TMPRSS11A: variants seen among roughly 807,000 people sequenced by gnomAD.
The protein encoded by TMPRSS11A is transmembrane serine protease 11A, also known as transmembrane protease serine 11A.
TMPRSS11A carries 53 observed loss-of-function variants against 58.9 expected under a neutral mutation model. The observed-to-expected ratio is 0.90, with a 90% CI of 0.72 to 1.13. TMPRSS11A has a LOEUF of 1.13. Among genes scored for constraint, TMPRSS11A ranks in the 50% most tolerant of loss-of-function variants. The probability of loss-of-function intolerance (pLI) is 0.00; values close to 1 mark genes in which losing one functional copy is unlikely to be tolerated. For missense variants in TMPRSS11A, 493 were observed against 499.3 expected (o/e 0.99, Z 0.12); for synonymous variants, 167 against 169.8 (o/e 0.98, Z 0.13).
chr4:67,932,762 A>G (rs566265662), intron 3 of TMPRSS11A, among the ~76,000 whole-genome samples: 21 of 152,182 alleles, frequency 1.4e-4, no homozygotes, highest in African/African-American at 4.3e-4. Flanking sequence ...ATTATTGTCA[A>G]TTGTGGACTC....
At chr4:67,918,785 A>T (rs550009628) in intron 8 of TMPRSS11A, among the ~76,000 whole-genome samples, 188 bp downstream of exon 8, 8 of 152,314 alleles carry the variant, frequency 5.3e-5, no homozygotes, top group African/African-American at 1.7e-4. Context: ...AATTTGTGGA[A>T]GTTTTTGTTT....
intron 1 of TMPRSS11A, among the ~76,000 whole-genome samples, chr4:67,956,636 T>G (rs1291537449): frequency 6.6e-6 from 1 of 152,214 alleles, no homozygotes; most frequent in African/African-American, 2.4e-5. Context: ...TTGCACGAAA[T>G]GATTCAAATT....
chr4:67,957,457 G>A (rs1051997829), intron 1 of TMPRSS11A, among the ~76,000 whole-genome samples: 9 of 152,290 alleles, frequency 5.9e-5, no homozygotes, highest in Admixed American at 5.2e-4. Flanking sequence ...CGCTTGTTAT[G>A]TTTTAGCAAA....
In TMPRSS11A at chr4:67,914,595, G is replaced by C. The variant is rs754020688; in HGVS notation, c.1088C>G (p.Ala363Gly). ...CAGYMEGIYD[A>G]CRGDSGGPLV... ...AAAATCCCTCCAACTTACCCTGCAG[G>C]CATCATAAATTCCTTCCATATATCC... The change falls in exon 9 of 10, where the codon GCC (alanine) becomes GGC (glycine). Residue 363 changes from alanine (A) to glycine (G), a missense_variant. Ala to Gly is a moderately conservative substitution (Grantham distance 60). Coordinates refer to ENST00000508048, the MANE Select transcript of TMPRSS11A (RefSeq NM_001114387.2). 6.2e-7 allele frequency: 1 copy of C among 1,613,194 alleles called. No homozygotes were observed. Among genetic ancestry groups the C allele is most frequent in the Non-Finnish European group, 8.5e-7 (1 of 1,179,590 alleles).
intron 3 of TMPRSS11A, among the ~76,000 whole-genome samples, chr4:67,933,242 T>C (rs1034007207): frequency 6.6e-6 from 1 of 152,138 alleles, no homozygotes; most frequent in Non-Finnish European, 1.5e-5. Context: ...CTTCTTTAAC[T>C]CTAATGACAA....
intron 3 of TMPRSS11A, among the ~76,000 whole-genome samples, chr4:67,940,456 G>A (rs2109757182): frequency 6.6e-6 from 1 of 151,958 alleles, no homozygotes; most frequent in South Asian, 2.1e-4. Flanking sequence ...ATTTCTTTCT[G>A]ATTCAATCTT....
intron 6 of TMPRSS11A, among the ~76,000 whole-genome samples, chr4:67,923,808 T>C (rs1325935018): frequency 1.3e-5 from 2 of 152,254 alleles, no homozygotes; most frequent in Non-Finnish European, 2.9e-5. Context: ...TATTGATTAC[T>C]TTCTTATTAT....
intron 3 of TMPRSS11A, among the ~76,000 whole-genome samples, chr4:67,933,038 C>T (rs1327364493): frequency 6.6e-6 from 1 of 151,588 alleles, no homozygotes; most frequent in Non-Finnish European, 1.5e-5. Context: ...ACAGAAGAAC[C>T]AAATGTGCGC....
chr4:67,930,808 C>CTTTTTTTTTTTTTTTTTTTTTTTTTTTTT (rs67302217), intron 4 of TMPRSS11A, among the ~76,000 whole-genome samples: 1 of 51,162 alleles, frequency 2.0e-5, no homozygotes, highest in Non-Finnish European at 3.2e-5. Context: ...GTTATCTCTC[C>CTTTTTTTTTTTTTTTTTTTTTTTTTTTTT]TTTTTTTTTT....
chr4:67,945,914 AT>A (rs555780011), intron 2 of TMPRSS11A, among the ~76,000 whole-genome samples: 4 of 151,992 alleles, frequency 2.6e-5, no homozygotes, highest in Admixed American at 6.6e-5. Context: ...AAAGAGTAAA[AT>A]TTTTTTTCTC....
chr4:67,934,842 C>T (rs956145062), intron 3 of TMPRSS11A, among the ~76,000 whole-genome samples: 31 of 152,084 alleles, frequency 2.0e-4, no homozygotes, highest in Admixed American at 6.6e-5. Flanking sequence ...TGACTGGCTC[C>T]CCTTACAGCA....
intron 3 of TMPRSS11A, among the ~76,000 whole-genome samples, chr4:67,936,610 T>C (rs1390379290): frequency 1.3e-5 from 2 of 152,188 alleles, no homozygotes; most frequent in Non-Finnish European, 2.9e-5. Flanking sequence ...TGGGATGTGA[T>C]ATTTTGTGAT....
chr4:67,919,561 T>C (rs1218393897), intron 7 of TMPRSS11A, among the ~76,000 whole-genome samples: 1 of 152,174 alleles, frequency 6.6e-6, no homozygotes, highest in Non-Finnish European at 1.5e-5. Flanking sequence ...GATAAAGTGA[T>C]GAACAGGACC....
chr4:67,923,395 A>G (rs1486117965), intron 6 of TMPRSS11A, among the ~76,000 whole-genome samples: 1 of 152,214 alleles, frequency 6.6e-6, no homozygotes, highest in African/African-American at 2.4e-5. Context: ...CATGAACATC[A>G]TTGCTCAAAT....
intron 1 of TMPRSS11A, among the ~76,000 whole-genome samples, chr4:67,948,768 A>G (rs1721088394): frequency 6.6e-6 from 1 of 152,204 alleles, no homozygotes; most frequent in African/African-American, 2.4e-5. Flanking sequence ...GGCTTAAAAC[A>G]TACATTTATA....
intron 3 of TMPRSS11A, among the ~76,000 whole-genome samples, chr4:67,944,259 T>C (rs1237374815): frequency 6.6e-6 from 1 of 152,074 alleles, no homozygotes; most frequent in Non-Finnish European, 1.5e-5. Flanking sequence ...TCTCTTACCT[T>C]TAAATAAGGT....
chr4:67,918,545 T>C (rs980240868), intron 8 of TMPRSS11A, among the ~76,000 whole-genome samples: 1 of 152,122 alleles, frequency 6.6e-6, no homozygotes, highest in Admixed American at 6.5e-5. Context: ...AGAAAAGAAA[T>C]AAATATTCCT....
chr4:67,939,800 T>C (rs1209055463), intron 3 of TMPRSS11A, among the ~76,000 whole-genome samples: 3 of 152,146 alleles, frequency 2.0e-5, no homozygotes, highest in Admixed American at 1.3e-4. Context: ...GTGATTCTCC[T>C]GCCTCAGCCC....
intron 2 of TMPRSS11A, among the ~76,000 whole-genome samples, chr4:67,946,108 A>C (rs189226544): frequency 6.6e-6 from 1 of 152,252 alleles, no homozygotes; most frequent in East Asian, 1.9e-4. Flanking sequence ...ATATATAATA[A>C]GTGATGAGTT....
Sources: gnomAD v4.1 joint callset for allele counts (sites outside exome capture counted in the v4.1 genomes callset) on GRCh38, gnomAD v4.1.1 for gene constraint, MANE v1.5 for transcripts, NCBI Gene and HGNC (gene_info 2026-07-23, HGNC 2026-07-21) for gene names.